The following KALRN variants were observed in gnomAD, a reference collection of about 807,000 sequenced individuals.
KALRN encodes kalirin RhoGEF kinase, also known as kalirin.
Under a neutral mutation model 353.7 loss-of-function variants are expected in KALRN, and 70 were observed. The observed-to-expected ratio is 0.20, with a 90% CI of 0.16 to 0.24. The LOEUF (loss-of-function observed/expected upper bound fraction) is 0.24, where lower values mean the gene tolerates loss of function less well. Ranked by LOEUF, KALRN falls within the 10% of genes least tolerant of loss-of-function variation. The probability of loss-of-function intolerance (pLI) is 1.00; values close to 1 mark genes in which losing one functional copy is unlikely to be tolerated. For missense variants in KALRN, 2,791 were observed against 3,756.7 expected, an observed-to-expected ratio of 0.74 and a Z score of 6.72; for synonymous variants, 1,391 against 1,434.8, an observed-to-expected ratio of 0.97 and a Z score of 0.69.
Position 124,080,435 on chromosome 3 carries a change from C to T in KALRN, c.73+46622C>T, listed in dbSNP as rs149677282. 2.8e-4 allele frequency among the ~76,000 whole-genome samples: 42 copies of T among 152,264 alleles called. No homozygotes were observed. In the East Asian group the frequency reaches 7.7e-3, roughly 28 times the overall value. On this transcript the variant is annotated intron_variant, in intron 1 of 59. Transcript: ENST00000682506. The stretch of plus-strand genomic sequence containing the variant: ...TGGTATTAGTTATTAGGGGTCCTTC[C>T]AGATCTTTCTGTGCATTTACATAGA...
At chr3:124,336,134 G>A (rs1249487572) in intron 9 of KALRN, among the ~76,000 whole-genome samples, 3 of 152,158 alleles carry the variant, frequency 2.0e-5, no homozygotes, top group Admixed American at 6.5e-5. Context: ...TTCTTGGGCT[G>A]TCATAACTCC....
chr3:124,188,749 TG>T (rs1288845398), intron 1 of KALRN, among the ~76,000 whole-genome samples: 1 of 152,190 alleles, frequency 6.6e-6, no homozygotes, highest in Admixed American at 6.5e-5. Flanking sequence ...CACAGTTTCA[TG>T]GATGCTGGCA....
At chr3:124,608,527 G>C (rs551929686) in intron 34 of KALRN, among the ~76,000 whole-genome samples, 21 of 152,226 alleles carry the variant, frequency 1.4e-4, no homozygotes, top group African/African-American at 5.1e-4. Flanking sequence ...ACAGCATCCT[G>C]TCTCCCTTCT....
rs534157139 is a variant in KALRN at position 124,085,173 on chromosome 3, G to A, written c.73+51360G>A. 6.6e-5 allele frequency among the ~76,000 whole-genome samples: 10 copies of A among 152,336 alleles called. No homozygotes were observed. In the South Asian group the frequency reaches 1.4e-3, roughly 22 times the overall value. On this transcript the variant is annotated intron_variant, in intron 1 of 59. Coordinates refer to ENST00000682506, the MANE Select transcript of KALRN (RefSeq NM_001388419.1). The stretch of plus-strand genomic sequence containing the variant: ...AAGGGCAGGGATGGCTGACTTGAAA[G>A]CTAGTGTATCACAGTTCTTCCTGCC...
intron 34 of KALRN, among the ~76,000 whole-genome samples, chr3:124,579,964 C>A (rs980821445): frequency 5.3e-5 from 8 of 152,242 alleles, no homozygotes; most frequent in African/African-American, 1.9e-4. Context: ...AACATGGTCT[C>A]CAAAGGGAGG....
At chr3:124,529,960 A>G (rs556837476) in intron 33 of KALRN, among the ~76,000 whole-genome samples, 1 of 152,318 alleles carries the variant, frequency 6.6e-6, no homozygotes, top group South Asian at 2.1e-4. Flanking sequence ...GAAAGACTGA[A>G]GTCTCAAAGA....
At position 124,719,029 on chromosome 3, in the gene KALRN, G is replaced by A; in HGVS notation, c.8520G>A (p.Leu2840=). The part of the protein sequence containing the change: ...QISGHFHIHH[L]LGNPEFAAPE... ...CGGGTCACTTCCACATTCACCACCT[G>A]CTGGGGAACCCTGAGTTTGCTGCCC... Residue 2840 remains leucine (L), a synonymous_variant, in exon 60 of 60, where the codon CTG becomes CTA. Transcript: ENST00000682506. The surrounding 1 kb of genome is among the most constrained non-coding windows in gnomAD (Gnocchi z 5.3). 1 of 1,614,164 alleles carries A rather than the reference G, an allele frequency of 6.2e-7. No individual in the cohort carries two copies. Among genetic ancestry groups the A allele is most frequent in the Non-Finnish European group, 8.5e-7 (1 of 1,180,034 alleles).
intron 21 of KALRN, among the ~76,000 whole-genome samples, chr3:124,450,350 G>A (rs1466896511): frequency 6.6e-6 from 1 of 152,110 alleles, no homozygotes; most frequent in African/African-American, 2.4e-5. Flanking sequence ...AATGAAAGAA[G>A]CCTTGAGATA....
chr3:124,231,949 C>T (rs2079206673), intron 2 of KALRN, among the ~76,000 whole-genome samples: 1 of 152,204 alleles, frequency 6.6e-6, no homozygotes, highest in African/African-American at 2.4e-5. Flanking sequence ...CGAAAGTCCT[C>T]CACCTACCTA....
chr3:124,082,432 C>T (rs1399039979), intron 1 of KALRN: 4 of 380,256 alleles, frequency 1.1e-5, no homozygotes, highest in Non-Finnish European at 2.1e-5. Flanking sequence ...CAGAATCCCA[C>T]AGCTGGCTTT....
At position 124,661,893 on chromosome 3, in the gene KALRN, G is replaced by A. The variant is rs757102532; in HGVS notation, c.6310G>A (p.Asp2104Asn). ...LMCLVPKRCN[D>N]MMNLGRLQGF... ...GTGCCTTGTTCCCAAACGCTGCAAT[G>A]ACATGATGAATCTAGGACGTCTGCA... The change falls in exon 45 of 60, where the codon GAC (aspartate) becomes AAC (asparagine). Residue 2104 changes from aspartate to asparagine, a missense_variant. Asp to Asn is a conservative substitution (Grantham distance 23, BLOSUM62 1). Coordinates refer to ENST00000682506, the MANE Select transcript of KALRN (RefSeq NM_001388419.1). The A allele has an allele frequency of 1.2e-6, 2 of 1,614,158 alleles. No homozygotes were observed. The highest frequency in any genetic ancestry group is 1.7e-6 in the Non-Finnish European group (2 of 1,179,998).
intron 1 of KALRN, among the ~76,000 whole-genome samples, chr3:124,109,557 T>G (rs1191278493): frequency 6.6e-6 from 1 of 151,878 alleles, no homozygotes; most frequent in East Asian, 1.9e-4. Context: ...TATAGTTTTT[T>G]GTTTGATAAT....
chr3:124,596,343 T>A (rs1022989445), intron 34 of KALRN, among the ~76,000 whole-genome samples: 2 of 152,034 alleles, frequency 1.3e-5, no homozygotes, highest in African/African-American at 2.4e-5. Flanking sequence ...GGTGGTCGCC[T>A]GTAATCACAG....
chr3:124,625,050 G>A (rs2079779128), intron 34 of KALRN, among the ~76,000 whole-genome samples: 1 of 152,106 alleles, frequency 6.6e-6, no homozygotes, highest in African/African-American at 2.4e-5. Context: ...ATTAGGGGAG[G>A]TTTTTATGGT....
At chr3:124,275,373 T>C (rs748015777) in intron 5 of KALRN, among the ~76,000 whole-genome samples, 1 of 152,252 alleles carries the variant, frequency 6.6e-6, no homozygotes, top group Non-Finnish European at 1.5e-5. Flanking sequence ...CTTTTTGCTT[T>C]TGTGCTTTTT....
At chr3:124,077,708 C>G (rs991764317) in intron 1 of KALRN, among the ~76,000 whole-genome samples, 1 of 152,226 alleles carries the variant, frequency 6.6e-6, no homozygotes, top group Non-Finnish European at 1.5e-5. Flanking sequence ...TCTATTCTCC[C>G]CATTACCGTC....
chr3:124,297,324 G>A (rs1249770182), intron 5 of KALRN, among the ~76,000 whole-genome samples: 1 of 152,202 alleles, frequency 6.6e-6, no homozygotes, highest in Non-Finnish European at 1.5e-5. Flanking sequence ...CTGGGCTGTG[G>A]CCTTTAGTCC....
intron 6 of KALRN, among the ~76,000 whole-genome samples, chr3:124,311,064 C>CTTTTTTTTT (rs71145446): frequency 0.059 from 3,954 of 67,466 alleles, 932 homozygotes; most frequent in Non-Finnish European, 0.083. Context: ...GATACTACTT[C>CTTTTTTTTT]TTTTTTTTTT....
At chr3:124,346,016 G>A (rs2082222748) in intron 9 of KALRN, among the ~76,000 whole-genome samples, 2 of 152,154 alleles carry the variant, frequency 1.3e-5, no homozygotes, top group Admixed American at 6.5e-5. Context: ...ATCTGGAAAG[G>A]CTAGTACATC....
Sources: gnomAD v4.1 joint callset for allele counts (sites outside exome capture counted in the v4.1 genomes callset) on GRCh38, gnomAD v4.1.1 for gene constraint, Gnocchi (gnomAD v3.1) non-coding constraint, MANE v1.5 for transcripts, NCBI Gene and HGNC (gene_info 2026-07-23, HGNC 2026-07-21) for gene names.